The following LAMC1 variants were observed in gnomAD, a reference collection of about 807,000 sequenced individuals.
LAMC1 encodes laminin subunit gamma-1.
In LAMC1, 38 loss-of-function variants were observed where a neutral mutation model predicts 173.6. The observed-to-expected ratio is 0.22, with a 90% CI of 0.17 to 0.29. The LOEUF is 0.29. Among genes scored for constraint, LAMC1 ranks in the 10% least tolerant of loss-of-function variants. LAMC1 has a pLI of 1.00. For missense variants in LAMC1, 1,824 were observed against 2,051.8 expected (o/e 0.89, Z 2.14); for synonymous variants, 746 against 749.1 (o/e 1.00, Z 0.07).
chr1:183,060,525 C>G (rs1221192012), intron 1 of LAMC1, among the ~76,000 whole-genome samples: 2 of 152,156 alleles, frequency 1.3e-5, no homozygotes, highest in East Asian at 1.9e-4. Context: ...GTCTTACTTT[C>G]TCTTGCAGTG....
At chr1:183,047,794 T>C (rs530713714) in intron 1 of LAMC1, among the ~76,000 whole-genome samples, 1 of 152,314 alleles carries the variant, frequency 6.6e-6, no homozygotes, top group East Asian at 1.9e-4. Context: ...TTTGGATTTC[T>C]CACGGGACAT....
intron 1 of LAMC1, among the ~76,000 whole-genome samples, chr1:183,076,930 G>T (rs6666744): frequency 0.12 from 17,686 of 152,178 alleles, 1,165 homozygotes; most frequent in Admixed American, 0.2. Context: ...CAGAAAAATA[G>T]TGTAACTTTA....
chr1:183,107,370 AG>A (rs750964451), intron 2 of LAMC1, among the ~76,000 whole-genome samples: 1 of 152,178 alleles, frequency 6.6e-6, no homozygotes, highest in Non-Finnish European at 1.5e-5. Flanking sequence ...TAAGGTGGCC[AG>A]GGAAGGCCTC....
rs748536080 is a variant in LAMC1 at position 183,133,567 on chromosome 1, T to C, written c.3849+17T>C. ...ACACTGGAGGTATGGGGGCAGCCTG[T>C]ACGCACAGCCCCACCCCGTCTCTCC... On this transcript the variant is annotated intron_variant, in intron 22 of 27. Transcript: ENST00000258341. The C allele has an allele frequency of 6.2e-7, 1 of 1,600,426 alleles. No homozygotes were observed. Among genetic ancestry groups the C allele is most frequent in the Non-Finnish European group, 8.5e-7 (1 of 1,171,176 alleles).
At chr1:183,099,024 G>A (rs556177137) in intron 1 of LAMC1, among the ~76,000 whole-genome samples, 1 of 151,762 alleles carries the variant, frequency 6.6e-6, no homozygotes, top group South Asian at 2.1e-4. Flanking sequence ...TCTTCTTTAG[G>A]CAGACTACAT....
chr1:183,102,113 C>G (rs1381909693), intron 1 of LAMC1, among the ~76,000 whole-genome samples: 1 of 152,110 alleles, frequency 6.6e-6, no homozygotes, highest in Non-Finnish European at 1.5e-5. Context: ...GGACTCCAGC[C>G]GGCAGCCAGA....
At position 183,117,908 on chromosome 1, in the gene LAMC1, T is replaced by G. The variant is rs1656366430; in HGVS notation, c.1878-126T>G. On this transcript the variant is annotated intron_variant, in intron 10 of 27. Transcript: ENST00000258341. ...TCCAATTGTACTACCAAACCAATAG[T>G]CTTATTTTTTATTTGATTTGATTGT... 14 of 747,514 alleles carry G rather than the reference T, an allele frequency of 1.9e-5. No homozygotes were observed. The South Asian group carries it at 2.6e-4, about 14-fold the overall frequency. The allele number at this position is 747,514 out of a possible 1,614,324, so 46.3% of individuals were successfully genotyped here.
At chr1:183,130,894 GC>G (rs1348787090) in intron 19 of LAMC1, among the ~76,000 whole-genome samples, 1 of 152,152 alleles carries the variant, frequency 6.6e-6, no homozygotes, top group East Asian at 1.9e-4. Flanking sequence ...TATTCTTGGG[GC>G]CAGGCGCGGT....
Position 183,142,966 on chromosome 1 carries a change from G to C in LAMC1, c.*176G>C. On this transcript the variant is annotated 3_prime_UTR_variant, in exon 28 of 28. Coordinates refer to ENST00000258341, the MANE Select transcript of LAMC1 (RefSeq NM_002293.4). ...TAAAGAGAAGCAAATTAAACATCCTGAATCGGGAACAAAGGGTTTTATCTA... is the reference window on the plus strand; with the variant it reads ...TAAAGAGAAGCAAATTAAACATCCTCAATCGGGAACAAAGGGTTTTATCTA... 1.6e-6 allele frequency: 1 copy of C among 633,582 alleles called. No homozygotes were observed. 39.2% of individuals were successfully genotyped at this position (633,582 alleles called of 1,614,324 possible). A position where few individuals can be genotyped will look rare whatever the true frequency, so the allele number is the denominator to read the frequency against.
chr1:183,126,049 CTA>C, intron 15 of LAMC1, 69 bp from the exon 16 acceptor site: 2 of 1,267,156 alleles, frequency 1.6e-6, no homozygotes, highest in South Asian at 2.8e-5. Flanking sequence ...CAGTGCTATA[CTA>C]AAAAAAAAAA....
intron 1 of LAMC1, among the ~76,000 whole-genome samples, chr1:183,066,287 G>A (rs961067241): frequency 6.6e-6 from 1 of 152,170 alleles, no homozygotes. Flanking sequence ...GGTTAACTGA[G>A]GTATCCTGAA....
At chr1:183,081,868 T>C (rs1301322581) in intron 1 of LAMC1, among the ~76,000 whole-genome samples, 1 of 152,160 alleles carries the variant, frequency 6.6e-6, no homozygotes, top group African/African-American at 2.4e-5. Context: ...TTCAAAATAG[T>C]TTCACTGCCC....
rs772953136 is a variant in LAMC1, at chr1:183,116,637, T to G, written c.1389T>G (p.Cys463Trp). ...AATGTAATATTGAAACAGGAAGATG[T>G]GTTTGCAAAGACAATGTCGAAGGCT... Reference protein sequence around the residue: ...IDECNIETGRCVCKDNVEGFN... With the variant: ...IDECNIETGRWVCKDNVEGFN... Residue 463 changes from cysteine (C) to tryptophan (W), a missense_variant, in exon 7 of 28, where the codon TGT becomes TGG. Coordinates refer to ENST00000258341, the MANE Select transcript of LAMC1 (RefSeq NM_002293.4). 2 of 1,613,662 alleles carry G rather than the reference T, an allele frequency of 1.2e-6. No individual in the cohort carries two copies. Among genetic ancestry groups the G allele is most frequent in the Non-Finnish European group, 1.7e-6 (2 of 1,179,542 alleles).
intron 13 of LAMC1, 152 bp from the exon 14 acceptor site, chr1:183,124,479 G>T: frequency 1.1e-6 from 1 of 877,440 alleles, no homozygotes; most frequent in Non-Finnish European, 1.8e-6. Flanking sequence ...GTCTGGCCCC[G>T]TGCCAGGGCT....
chr1:183,025,787 G>A (rs1001919607), intron 1 of LAMC1, among the ~76,000 whole-genome samples: 18 of 152,186 alleles, frequency 1.2e-4, no homozygotes, highest in African/African-American at 1.7e-4. Context: ...TGAAATCTCA[G>A]ATGCCTGAAA....
chr1:183,110,588 T>C lies in LAMC1; in HGVS notation c.955T>C (p.Cys319Arg). The change falls in exon 4 of 28, where the codon TGT becomes CGT. Residue 319 changes from cysteine (C) to arginine (R), a missense_variant. Coordinates refer to ENST00000258341, the MANE Select transcript of LAMC1 (RefSeq NM_002293.4). ...HNTYGVDCEK[C>R]LPFFNDRPWR... is the part of the protein sequence containing the mutation. ...CACATATGGAGTAGACTGTGAAAAG[T>C]GTCTTCCTTTCTTCAATGACCGGCC... 1 of 1,614,058 alleles carries C rather than the reference T, an allele frequency of 6.2e-7. No homozygotes were observed. Among genetic ancestry groups the C allele is most frequent in the Non-Finnish European group, 8.5e-7 (1 of 1,179,950 alleles).
intron 1 of LAMC1, among the ~76,000 whole-genome samples, chr1:183,081,360 G>T (rs1488619840): frequency 6.6e-6 from 1 of 151,856 alleles, no homozygotes; most frequent in Non-Finnish European, 1.5e-5. Context: ...CACTTTGGGA[G>T]GCTGAGGCAG....
At chr1:183,111,085 CT>C (rs1656136900) in intron 4 of LAMC1, among the ~76,000 whole-genome samples, 1 of 145,876 alleles carries the variant, frequency 6.9e-6, no homozygotes, top group Admixed American at 7.2e-5. Context: ...AAGATTATTT[CT>C]TTTTTCTTTT....
chr1:183,031,060 A>G (rs1653836622), intron 1 of LAMC1, among the ~76,000 whole-genome samples: 1 of 152,222 alleles, frequency 6.6e-6, no homozygotes, highest in African/African-American at 2.4e-5. Context: ...AAAGGGAATT[A>G]TTAAGCAGCT....
Sources: gnomAD v4.1 joint callset for allele counts (sites outside exome capture counted in the v4.1 genomes callset) on GRCh38, gnomAD v4.1.1 for gene constraint, MANE v1.5 for transcripts, NCBI Gene and HGNC (gene_info 2026-07-23, HGNC 2026-07-21) for gene names.